The following RPH3A variants were observed in gnomAD, a reference collection of about 807,000 sequenced individuals.
The protein encoded by RPH3A is rabphilin-3A.
In RPH3A, 48 loss-of-function variants were observed where a neutral mutation model predicts 102.2. That is an observed-to-expected ratio of 0.47 (90% confidence interval 0.37 to 0.60). RPH3A has a LOEUF of 0.60. RPH3A is among the 20% of genes least tolerant of loss of function. RPH3A has a pLI of 0.00. For synonymous variants in RPH3A, 310 were observed against 324.3 expected (o/e 0.96, Z 0.47); for missense variants, 781 against 910.1 (o/e 0.86, Z 1.83).
At position 112,877,455 on chromosome 12, in the gene RPH3A, CA is replaced by C. The variant is rs1457878245; in HGVS notation, c.1171+590del. 2.7e-5 allele frequency among the ~76,000 whole-genome samples: 4 copies of C among 150,896 alleles called. No individual in the cohort carries two copies. In the East Asian group the frequency reaches 8.4e-4, roughly 32 times the overall value. ...ACACACACACACACACACACACACACACACCAGTGGCATTTCCCCCCGCTAA... is the reference window on the plus strand; with the variant it reads ...ACACACACACACACACACACACACACCACCAGTGGCATTTCCCCCCGCTAA... On this transcript the variant is annotated intron_variant, in intron 13 of 21. Transcript: ENST00000389385.
At chr12:112,673,999 TCCTC>T (rs1219499110) in intron 1 of RPH3A, among the ~76,000 whole-genome samples, 1 of 152,236 alleles carries the variant, frequency 6.6e-6, no homozygotes, top group Non-Finnish European at 1.5e-5. Flanking sequence ...TTTCAAGCGA[TCCTC>T]CCACCTCAGC....
intron 17 of RPH3A, among the ~76,000 whole-genome samples, chr12:112,889,621 T>C (rs987866545): frequency 1.3e-5 from 2 of 152,280 alleles, no homozygotes; most frequent in African/African-American, 4.8e-5. Context: ...CCAGGGGCCA[T>C]GAAGGCAAAA....
chr12:112,841,832 T>C (rs1411691695), intron 4 of RPH3A: 3 of 428,966 alleles, frequency 7.0e-6, no homozygotes, highest in Non-Finnish European at 1.4e-5. Context: ...TGAAAGTTCA[T>C]CTTCTCCAGC....
intron 2 of RPH3A, among the ~76,000 whole-genome samples, chr12:112,806,535 T>C (rs1214386480): frequency 3.3e-5 from 5 of 152,092 alleles, no homozygotes; most frequent in Non-Finnish European, 7.4e-5. Context: ...CTCAGGAGGC[T>C]GAGGCATTGC....
intron 1 of RPH3A, among the ~76,000 whole-genome samples, chr12:112,701,861 C>T (rs1272701329): frequency 6.6e-6 from 1 of 152,158 alleles, no homozygotes; most frequent in Non-Finnish European, 1.5e-5. Flanking sequence ...ACAGCAGGGC[C>T]CACATTCCTG....
chr12:112,712,919 T>C lies in RPH3A; in HGVS notation c.-139-79224T>C, dbSNP rs865892983. On this transcript the variant is annotated intron_variant, in intron 1 of 21. Transcript: ENST00000543106. ...CTTCTTCTTCCTCTTCTTCTTCTTC[T>C]TCTTCCTCTTCTTCTTCTTCTTCTT... Among the ~76,000 whole-genome samples the C allele has an allele frequency of 9.9e-4, 103 of 104,320 alleles. 2 individuals carry two copies. Among genetic ancestry groups the C allele is most frequent in the African/African-American group, 4.1e-3 (97 of 23,814 alleles). The allele number at this position is 104,320 out of a possible 152,430, so 68.4% of individuals were successfully genotyped here. A position where few individuals can be genotyped will look rare whatever the true frequency, so the allele number is the denominator to read the frequency against.
intron 1 of RPH3A, among the ~76,000 whole-genome samples, chr12:112,667,968 A>G (rs540527093): frequency 3.0e-4 from 45 of 152,316 alleles, no homozygotes; most frequent in Admixed American, 6.5e-4. Flanking sequence ...TGACCTAGTT[A>G]AGCCCACTAT....
intron 1 of RPH3A, among the ~76,000 whole-genome samples, chr12:112,665,966 A>T (rs191856236): frequency 6.6e-6 from 1 of 152,324 alleles, no homozygotes; most frequent in East Asian, 1.9e-4. Context: ...AGGCAGGCAC[A>T]GTTATTTCAA....
rs747021786 is a variant in RPH3A at position 112,887,779 on chromosome 12, C to T, written c.1437-18C>T. The T allele has an allele frequency of 2.5e-6, 4 of 1,612,082 alleles. No homozygotes were observed. The highest frequency in any genetic ancestry group is 3.4e-6 in the Non-Finnish European group (4 of 1,178,882). ...ATTTGTTCCTGTTTCTCTCTCTACC[C>T]CCTTGTGTTGGTGGCAGGATCTCCG... is the stretch of plus-strand genomic sequence containing the variant. On this transcript the variant is annotated intron_variant, in intron 16 of 21. Coordinates refer to ENST00000389385, the MANE Select transcript of RPH3A (RefSeq NM_001143854.2).
chr12:112,800,544 G>C (rs2041323966), intron 2 of RPH3A, among the ~76,000 whole-genome samples: 1 of 152,124 alleles, frequency 6.6e-6, no homozygotes. Flanking sequence ...TACAATGTTA[G>C]TAATGATTGT....
intron 1 of RPH3A, among the ~76,000 whole-genome samples, chr12:112,655,145 G>A (rs1486990399): frequency 6.6e-6 from 1 of 152,202 alleles, no homozygotes; most frequent in Non-Finnish European, 1.5e-5. Context: ...GAGCAAGACG[G>A]TTATCCTGTC....
intron 1 of RPH3A, among the ~76,000 whole-genome samples, chr12:112,648,590 A>AAAAAAAAAAAAAAAAAAAAAC: frequency 7.5e-6 from 1 of 132,590 alleles, no homozygotes; most frequent in Non-Finnish European, 1.6e-5. Context: ...AAAAAAAAAA[A>AAAAAAAAAAAAAAAAAAAAAC]AAAAAAAAGC....
intron 1 of RPH3A, among the ~76,000 whole-genome samples, chr12:112,694,601 G>GAC (rs1289794001): frequency 3.3e-5 from 5 of 151,984 alleles, no homozygotes; most frequent in Admixed American, 1.3e-4. Flanking sequence ...GAGAGAGAGA[G>GAC]AGACAGACAG....
intron 1 of RPH3A, chr12:112,694,997 T>C (rs1353623822): frequency 5.9e-6 from 1 of 170,250 alleles, no homozygotes; most frequent in Non-Finnish European, 1.5e-5. Context: ...TATACAACAT[T>C]TAGGGAAGGA....
chr12:112,753,358 G>C (rs1404071998), intron 1 of RPH3A, among the ~76,000 whole-genome samples: 1 of 152,188 alleles, frequency 6.6e-6, no homozygotes, highest in Non-Finnish European at 1.5e-5. Flanking sequence ...TGCCAGTTCT[G>C]TGCTGGGCTC....
chr12:112,753,106 C>T (rs1451735884), intron 1 of RPH3A, among the ~76,000 whole-genome samples: 2 of 151,286 alleles, frequency 1.3e-5, no homozygotes, highest in African/African-American at 2.4e-5. Flanking sequence ...GACTGTTTCT[C>T]GTGGAATGTT....
chr12:112,588,279 G>A (rs2039451931), intron 1 of RPH3A, among the ~76,000 whole-genome samples: 1 of 152,202 alleles, frequency 6.6e-6, no homozygotes. Context: ...ACCTGAGACT[G>A]AGTTATTTAT....
chr12:112,635,550 G>C (rs1370865534), intron 1 of RPH3A, among the ~76,000 whole-genome samples: 1 of 151,884 alleles, frequency 6.6e-6, no homozygotes, highest in East Asian at 1.9e-4. Context: ...TTTATATGCA[G>C]ACATGACAAA....
chr12:112,710,537 C>T (rs2136034775), intron 1 of RPH3A, among the ~76,000 whole-genome samples: 1 of 152,332 alleles, frequency 6.6e-6, no homozygotes. Flanking sequence ...CCCTTTCAGG[C>T]CCAATCATAT....
Sources: allele counts gnomAD v4.1 joint callset (sites outside exome capture counted in the v4.1 genomes callset), GRCh38; gene constraint gnomAD v4.1.1; transcripts MANE v1.5; gene names NCBI Gene and HGNC (gene_info 2026-07-23, HGNC 2026-07-21).